SUCLG2: variants seen among roughly 807,000 people sequenced by gnomAD.
SUCLG2 encodes the protein succinate--CoA ligase [GDP-forming] subunit beta, mitochondrial.
Under a neutral mutation model 47.9 loss-of-function variants are expected in SUCLG2, and 42 were observed. The observed-to-expected ratio is 0.88, with a 90% confidence interval of 0.69 to 1.14. The LOEUF is 1.14. Ranked by LOEUF, SUCLG2 falls within the 50% of genes most tolerant of loss-of-function variation. The pLI, the probability that SUCLG2 is intolerant of heterozygous loss-of-function variation, is 0.00. For missense variants in SUCLG2, 571 were observed against 525.9 expected (o/e 1.09, Z -0.84); for synonymous variants, 195 against 197.3 (o/e 0.99, Z 0.10).
rs1701103038 is a variant in SUCLG2, at chr3:67,641,688, G to T, written c.84+12815C>A. ...TGTGTGTATTAGTATCCTAGGACTGGCGTACAAAGTACCACATACTGGGTA... is the reference window on the plus strand; with the variant it reads ...TGTGTGTATTAGTATCCTAGGACTGTCGTACAAAGTACCACATACTGGGTA... On this transcript the variant is annotated intron_variant, in intron 1 of 10. Coordinates refer to ENST00000307227, the MANE Select transcript of SUCLG2 (RefSeq NM_003848.4). Among the ~76,000 whole-genome samples the T allele has an allele frequency of 2.6e-5, 4 of 152,234 alleles. No individual in the cohort carries two copies. The South Asian group carries it at 6.2e-4, about 24-fold the overall frequency.
intron 9 of SUCLG2, among the ~76,000 whole-genome samples, chr3:67,488,647 T>C (rs185320937): frequency 6.4e-4 from 97 of 152,320 alleles, no homozygotes; most frequent in Non-Finnish European, 9.7e-4. Context: ...ATGCAGAGAT[T>C]CTTGACATTA....
chr3:67,444,306 C>T (rs1261070258), intron 9 of SUCLG2, among the ~76,000 whole-genome samples: 8 of 73,264 alleles, frequency 1.1e-4, no homozygotes, highest in African/African-American at 1.5e-4. Context: ...CCCTCCCACC[C>T]GGCCAGCCGC....
chr3:67,376,384 A>T (rs1702035357), intron 10 of SUCLG2: 2 of 985,426 alleles, frequency 2.0e-6, no homozygotes, highest in Non-Finnish European at 2.4e-6. Context: ...CTCTGATGGC[A>T]ATCTCTTGAC....
chr3:67,485,438 A>G (rs1215064212), intron 9 of SUCLG2, among the ~76,000 whole-genome samples: 1 of 152,214 alleles, frequency 6.6e-6, no homozygotes, highest in Non-Finnish European at 1.5e-5. Context: ...TCTGGTTTAC[A>G]AAGTTCCACA....
chr3:67,578,611 C>T (rs1027958107), intron 2 of SUCLG2, among the ~76,000 whole-genome samples: 2 of 152,034 alleles, frequency 1.3e-5, no homozygotes, highest in Admixed American at 6.5e-5. Flanking sequence ...TAGGTGACCA[C>T]GGCTGAACCG....
At chr3:67,439,805 C>A (rs1366965754) in intron 9 of SUCLG2, among the ~76,000 whole-genome samples, 2 of 152,126 alleles carry the variant, frequency 1.3e-5, no homozygotes, top group African/African-American at 2.4e-5. Context: ...GCCATACTGC[C>A]AAAAGGAATT....
chr3:67,512,939 A>AT (rs1705836797), intron 6 of SUCLG2, among the ~76,000 whole-genome samples: 1 of 150,658 alleles, frequency 6.6e-6, no homozygotes, highest in African/African-American at 2.5e-5. Flanking sequence ...GCACATATAT[A>AT]TCTCTCCATA....
At chr3:67,563,974 A>AAG (rs1246946441) in intron 2 of SUCLG2, among the ~76,000 whole-genome samples, 33 of 144,926 alleles carry the variant, frequency 2.3e-4, no homozygotes, top group African/African-American at 8.0e-4. Flanking sequence ...AAAAAAAAAA[A>AAG]AAAAGAAAAA....
chr3:67,496,987 T>C (rs189510668), intron 8 of SUCLG2, among the ~76,000 whole-genome samples: 54 of 152,320 alleles, frequency 3.5e-4, no homozygotes, highest in Admixed American at 2.2e-3. Flanking sequence ...GAGGCTGCTA[T>C]GTGGTCAAAC....
At chr3:67,546,067 C>T (rs1300094804) in intron 2 of SUCLG2, among the ~76,000 whole-genome samples, 1 of 152,204 alleles carries the variant, frequency 6.6e-6, no homozygotes, top group Non-Finnish European at 1.5e-5. Flanking sequence ...ATTCAAATCT[C>T]TTCTGGCACT....
At chr3:67,547,679 AAAG>A (rs1374477184) in intron 2 of SUCLG2, among the ~76,000 whole-genome samples, 2 of 151,668 alleles carry the variant, frequency 1.3e-5, no homozygotes, top group African/African-American at 2.4e-5. Context: ...TAACTCCAGA[AAAG>A]AAGATGTCCT....
chr3:67,398,357 A>G (rs1702599226), intron 10 of SUCLG2, among the ~76,000 whole-genome samples: 1 of 151,304 alleles, frequency 6.6e-6, no homozygotes, highest in African/African-American at 2.4e-5. Context: ...AAAAGTGGGT[A>G]AAGGACATGA....
intron 9 of SUCLG2, among the ~76,000 whole-genome samples, chr3:67,414,757 C>T (rs1324092855): frequency 6.6e-6 from 1 of 152,178 alleles, no homozygotes; most frequent in Non-Finnish European, 1.5e-5. Context: ...ATCAACATCC[C>T]AGAAGATGCT....
At chr3:67,523,686 C>T (rs1171463890) in intron 4 of SUCLG2, among the ~76,000 whole-genome samples, 3 of 152,258 alleles carry the variant, frequency 2.0e-5, no homozygotes, top group Non-Finnish European at 2.9e-5. Context: ...CTAAAACTTT[C>T]TCTAGAAGAG....
At chr3:67,640,476 G>A (rs1701082169) in intron 1 of SUCLG2, among the ~76,000 whole-genome samples, 1 of 152,154 alleles carries the variant, frequency 6.6e-6, no homozygotes, top group Admixed American at 6.5e-5. Flanking sequence ...CTAGAACAGA[G>A]ATGTGATTCA....
intron 10 of SUCLG2, among the ~76,000 whole-genome samples, chr3:67,390,709 C>T (rs180957502): frequency 1.1e-4 from 16 of 151,320 alleles, no homozygotes; most frequent in African/African-American, 3.4e-4. Context: ...ATTGCCTAGA[C>T]GGTTAACTTG....
At chr3:67,454,727 C>T (rs1704142118) in intron 9 of SUCLG2, among the ~76,000 whole-genome samples, 1 of 152,102 alleles carries the variant, frequency 6.6e-6, no homozygotes, top group African/African-American at 2.4e-5. Flanking sequence ...CTTTGGGAGG[C>T]CAAGGCGGGT....
chr3:67,423,625 C>G (rs1057273051), intron 9 of SUCLG2, among the ~76,000 whole-genome samples: 1 of 152,092 alleles, frequency 6.6e-6, no homozygotes, highest in Admixed American at 6.6e-5. Context: ...CATCATGCTG[C>G]CTTTGTTAAT....
rs79960802 is a variant in SUCLG2 at position 67,435,913 on chromosome 3, T to C, written c.1063-35062A>G. ...ATATTTTAGACTGAAGTTCTATTAA[T>C]ACTGTTTGTAATATAAGTATGTGAG... On this transcript the variant is annotated intron_variant, in intron 9 of 10. Transcript: ENST00000307227. 2.9e-4 allele frequency among the ~76,000 whole-genome samples: 44 copies of C among 152,334 alleles called. No homozygotes were observed. In the East Asian group the frequency reaches 8.3e-3, roughly 29 times the overall value.
Sources: gnomAD v4.1 joint callset for allele counts (sites outside exome capture counted in the v4.1 genomes callset) on GRCh38, gnomAD v4.1.1 for gene constraint, MANE v1.5 for transcripts, NCBI Gene and HGNC (gene_info 2026-07-23, HGNC 2026-07-21) for gene names.